PPP2R2B: variants seen among roughly 807,000 people sequenced by gnomAD.
PPP2R2B encodes serine/threonine-protein phosphatase 2A 55 kDa regulatory subunit B beta isoform.
Under a neutral mutation model 46.0 loss-of-function variants are expected in PPP2R2B, and 5 were observed. The ratio of observed to expected loss-of-function variants is 0.11; its 90% CI spans 0.06 to 0.23. The LOEUF (loss-of-function observed/expected upper bound fraction) is 0.23. Ranked by LOEUF, PPP2R2B falls within the 10% of genes least tolerant of loss-of-function variation. PPP2R2B has a pLI of 1.00. For synonymous variants in PPP2R2B, 215 were observed against 206.7 expected (o/e 1.04, Z -0.34); for missense variants, 367 against 575.0 (o/e 0.64, Z 3.70).
chr5:146,649,415 T>A (rs1458881301), intron 6 of PPP2R2B, among the ~76,000 whole-genome samples: 1 of 114,126 alleles, frequency 8.8e-6, no homozygotes, highest in Admixed American at 9.1e-5. Flanking sequence ...CTATTCAGCA[T>A]TTTTTTTTTT....
rs1418740425 is a variant in PPP2R2B, at chr5:146,903,389, C to A, written c.79+152276G>T. ...TGTTCTTTTCTTTCTTGCTTTCTTTCTCTTTTTTTTTTTTTTTTTTTTTAG... is the reference window on the plus strand; with the variant it reads ...TGTTCTTTTCTTTCTTGCTTTCTTTATCTTTTTTTTTTTTTTTTTTTTTAG... On this transcript the variant is annotated intron_variant, in intron 1 of 8. Transcript: ENST00000336640. Among the ~76,000 whole-genome samples, 9 of 121,162 alleles carry A rather than the reference C, an allele frequency of 7.4e-5. No homozygotes were observed. In the Admixed American group the frequency reaches 8.1e-4, roughly 11 times the overall value. The allele number at this position is 121,162 out of a possible 152,430, so 79.5% of individuals were successfully genotyped here. A position where few individuals can be genotyped will look rare whatever the true frequency, so the allele number is the denominator to read the frequency against.
intron 1 of PPP2R2B, among the ~76,000 whole-genome samples, chr5:147,043,065 T>C (rs1329409320): frequency 6.6e-6 from 1 of 152,166 alleles, no homozygotes; most frequent in African/African-American, 2.4e-5. Flanking sequence ...GTCTGGATTG[T>C]GGAACAATGA....
intron 7 of PPP2R2B, among the ~76,000 whole-genome samples, chr5:146,631,285 C>T (rs1774408065): frequency 6.6e-6 from 1 of 152,196 alleles, no homozygotes; most frequent in Admixed American, 6.5e-5. Context: ...AAACAACAAC[C>T]TTGGAGAGAA....
At chr5:146,798,298 C>G (rs952342371) in intron 2 of PPP2R2B, among the ~76,000 whole-genome samples, 2 of 152,160 alleles carry the variant, frequency 1.3e-5, no homozygotes, top group East Asian at 3.9e-4. Context: ...CACTGGAGAT[C>G]TGTCAAGCCT....
chr5:146,623,694 C>T (rs939925481), intron 7 of PPP2R2B, among the ~76,000 whole-genome samples: 3 of 152,290 alleles, frequency 2.0e-5, no homozygotes, highest in Admixed American at 2.0e-4. Flanking sequence ...TCCTTATGCT[C>T]AGGTTAAAAA....
intron 2 of PPP2R2B, among the ~76,000 whole-genome samples, chr5:146,800,348 C>T (rs1756786195): frequency 6.6e-6 from 1 of 152,076 alleles, no homozygotes; most frequent in Admixed American, 6.6e-5. Context: ...TCCCCGGGTA[C>T]TGGTACCAGA....
At chr5:146,804,125 C>A (rs930716790) in intron 2 of PPP2R2B, among the ~76,000 whole-genome samples, 3 of 151,796 alleles carry the variant, frequency 2.0e-5, no homozygotes, top group Non-Finnish European at 4.4e-5. Context: ...AGAGATCATG[C>A]CACTGCACTC....
At chr5:146,907,714 T>C (rs1763047509) in intron 1 of PPP2R2B, among the ~76,000 whole-genome samples, 1 of 152,272 alleles carries the variant, frequency 6.6e-6, no homozygotes, top group African/African-American at 2.4e-5. Flanking sequence ...TAAGTTTTTG[T>C]CTTTTCCCAT....
intron 2 of PPP2R2B, chr5:146,706,636 G>T: frequency 1.2e-6 from 1 of 816,362 alleles, no homozygotes; most frequent in Admixed American, 1.8e-5. Context: ...CCGGCCTCCA[G>T]GGAAATCCTC....
In PPP2R2B at chr5:146,878,576, A is replaced by G. The variant is rs781755508; in HGVS notation, c.-125+15T>C. The stretch of plus-strand genomic sequence containing the variant: ...GCTGCAGTGGCGAGATGGCAGGGAC[A>G]GGATTCAGGCTTGCCTGGCCGGAAT... On this transcript the variant is annotated intron_variant, in intron 1 of 9. Transcript: ENST00000394411. This position sits in a 1 kb window ranked among gnomAD's most constrained non-coding sequence, Gnocchi z 4.5. 164 of 1,243,108 alleles carry G rather than the reference A, an allele frequency of 1.3e-4. 2 individuals carry two copies. In the South Asian group the frequency reaches 2.5e-3, roughly 19 times the overall value. The allele number at this position is 1,243,108 out of a possible 1,614,324, so 77.0% of individuals were successfully genotyped here.
At chr5:146,867,487 G>T (rs1761378357) in intron 2 of PPP2R2B, among the ~76,000 whole-genome samples, 1 of 152,118 alleles carries the variant, frequency 6.6e-6, no homozygotes, top group African/African-American at 2.4e-5. Flanking sequence ...GGAGTAGAGA[G>T]GGAATCTTTT....
chr5:146,798,988 A>T (rs1045032655), intron 2 of PPP2R2B, among the ~76,000 whole-genome samples: 15 of 152,148 alleles, frequency 9.9e-5, no homozygotes, highest in African/African-American at 2.7e-4. Flanking sequence ...CATATATATA[A>T]AAATAGGTGA....
chr5:146,667,461 G>T (rs1232148636), intron 5 of PPP2R2B, among the ~76,000 whole-genome samples: 2 of 151,756 alleles, frequency 1.3e-5, no homozygotes, highest in Non-Finnish European at 2.9e-5. Context: ...AGAATAAAAA[G>T]ATGCCAAGCT....
At chr5:146,750,540 G>A (rs950517291) in intron 2 of PPP2R2B, among the ~76,000 whole-genome samples, 3 of 152,134 alleles carry the variant, frequency 2.0e-5, no homozygotes, top group African/African-American at 7.2e-5. Context: ...ATAGTAGATT[G>A]GATACAGAAT....
intron 1 of PPP2R2B, among the ~76,000 whole-genome samples, chr5:146,909,429 A>G (rs989068077): frequency 6.6e-6 from 1 of 152,162 alleles, no homozygotes; most frequent in African/African-American, 2.4e-5. Context: ...ACCATTATGC[A>G]CATGTTACTA....
chr5:147,040,581 G>A (rs1472446518), intron 1 of PPP2R2B: 7 of 295,416 alleles, frequency 2.4e-5, no homozygotes, highest in Middle Eastern at 4.3e-4. Context: ...CAAATCCCCC[G>A]CCCTGAGCTC....
intron 2 of PPP2R2B, among the ~76,000 whole-genome samples, chr5:146,838,946 T>C (rs567147283): frequency 6.6e-6 from 1 of 152,302 alleles, no homozygotes. Context: ...TTCTGAAAAG[T>C]GAATGTCCAT....
intron 1 of PPP2R2B, among the ~76,000 whole-genome samples, chr5:146,977,679 T>C (rs948648760): frequency 1.3e-5 from 2 of 152,194 alleles, no homozygotes; most frequent in Non-Finnish European, 1.5e-5. Context: ...TCCAGCTTCA[T>C]CCATGTCCCA....
At chr5:146,758,566 T>C (rs536238072) in intron 2 of PPP2R2B, among the ~76,000 whole-genome samples, 2 of 152,330 alleles carry the variant, frequency 1.3e-5, no homozygotes, top group African/African-American at 2.4e-5. Context: ...AATTCACTAA[T>C]GAATGAGTTC....
Sources: gnomAD v4.1 joint callset for allele counts (sites outside exome capture counted in the v4.1 genomes callset) on GRCh38, gnomAD v4.1.1 for gene constraint, Gnocchi (gnomAD v3.1) non-coding constraint, MANE v1.5 for transcripts, NCBI Gene and HGNC (gene_info 2026-07-23, HGNC 2026-07-21) for gene names.